The following PRDM2 variants were observed in gnomAD, a reference collection of about 807,000 sequenced individuals.
The protein encoded by PRDM2 is PR/SET domain 2, also known as PR domain zinc finger protein 2.
In PRDM2, 30 loss-of-function variants were observed where a neutral mutation model predicts 130.0. The observed-to-expected ratio is 0.23, with a 90% CI of 0.17 to 0.31. The LOEUF is 0.31. Ranked by LOEUF, PRDM2 falls within the 10% of genes least tolerant of loss-of-function variation. PRDM2 has a pLI of 1.00. For synonymous variants in PRDM2, 871 were observed against 782.4 expected, an observed-to-expected ratio of 1.11 and a Z score of -1.89; for missense variants, 2,011 against 2,108.4, an observed-to-expected ratio of 0.95 and a Z score of 0.90.
At chr1:13,798,105 C>T (rs1051448756) in intron 8 of PRDM2, among the ~76,000 whole-genome samples, 32 of 152,174 alleles carry the variant, frequency 2.1e-4, no homozygotes, top group South Asian at 2.1e-3. Context: ...ATTGGGGGTT[C>T]GCCAACACAG....
intron 7 of PRDM2, among the ~76,000 whole-genome samples, chr1:13,778,196 C>T (rs1267441605): frequency 6.6e-6 from 1 of 152,206 alleles, no homozygotes; most frequent in Non-Finnish European, 1.5e-5. Flanking sequence ...GGAATATTGC[C>T]TGGTACGTGG....
intron 2 of PRDM2, among the ~76,000 whole-genome samples, chr1:13,728,605 TACG>T (rs1409402248): frequency 6.6e-6 from 1 of 151,954 alleles, no homozygotes; most frequent in Non-Finnish European, 1.5e-5. Context: ...ATGTGAAGGA[TACG>T]ACAATAACAG....
chr1:13,788,258 T>G (rs1283251582), intron 8 of PRDM2, among the ~76,000 whole-genome samples: 1 of 152,198 alleles, frequency 6.6e-6, no homozygotes, highest in Non-Finnish European at 1.5e-5. Flanking sequence ...TCATTCCAGT[T>G]GGATTTCTAT....
intron 2 of PRDM2, among the ~76,000 whole-genome samples, chr1:13,718,769 T>C (rs1421818319): frequency 6.6e-6 from 1 of 152,088 alleles, no homozygotes; most frequent in Non-Finnish European, 1.5e-5. Context: ...TGCTCCCTTC[T>C]CTCCATTCTC....
intron 6 of PRDM2, chr1:13,770,322 C>T (rs1644329940): frequency 4.1e-6 from 2 of 491,618 alleles, no homozygotes; most frequent in Admixed American, 2.0e-5. Context: ...TAAAATAGCA[C>T]TTATGTTTTA....
At chr1:13,799,121 T>A (rs1252015309) in intron 8 of PRDM2, among the ~76,000 whole-genome samples, 3 of 152,162 alleles carry the variant, frequency 2.0e-5, no homozygotes, top group Non-Finnish European at 4.4e-5. Context: ...TCCGGCATGT[T>A]CACCATTGCC....
In PRDM2 at chr1:13,778,869, T is replaced by C. The variant is rs1289961614; in HGVS notation, c.1074T>C (p.Phe358=). Residue 358 remains phenylalanine (F), a synonymous_variant, in exon 8 of 10, where the codon TTT becomes TTC. Coordinates refer to ENST00000311066, the MANE Select transcript of PRDM2 (RefSeq NM_001393986.1). ...EEANGDVFET[F]MFPCQHCERK... is the part of the protein sequence containing the mutation. Reference sequence around the variant, plus strand: ...CCAATGGTGATGTATTTGAAACGTTTATGTTTCCGTGTCAACATTGTGAAA... The same window carrying C: ...CCAATGGTGATGTATTTGAAACGTTCATGTTTCCGTGTCAACATTGTGAAA... 2.5e-6 allele frequency: 4 copies of C among 1,614,232 alleles called. No individual in the cohort carries two copies. Among genetic ancestry groups the C allele is most frequent in the East Asian group, 4.5e-5 (2 of 44,888 alleles).
chr1:13,813,992 G>C lies in PRDM2; in HGVS notation c.5037-2435G>C, dbSNP rs139776995. Among the ~76,000 whole-genome samples the C allele has an allele frequency of 3.2e-3, 484 of 152,340 alleles. 1 individual carries two copies. Among genetic ancestry groups the C allele is most frequent in the Admixed American group, 5.7e-3 (87 of 15,308 alleles). On this transcript the variant is annotated intron_variant, in intron 8 of 9. Coordinates refer to ENST00000311066, the MANE Select transcript of PRDM2 (RefSeq NM_001393986.1). ...AGAAGCTGGATACTGATGATGCAGGGCTTGTCTGTCTCCAAAGCTTCTGCT... is the reference window on the plus strand; with the variant it reads ...AGAAGCTGGATACTGATGATGCAGGCCTTGTCTGTCTCCAAAGCTTCTGCT...
At chr1:13,767,017 C>T (rs952723788) in intron 6 of PRDM2, among the ~76,000 whole-genome samples, 5 of 152,164 alleles carry the variant, frequency 3.3e-5, no homozygotes, top group Non-Finnish European at 7.3e-5. Flanking sequence ...TTTCATGTGA[C>T]GCTTTAGGCA....
intron 2 of PRDM2, among the ~76,000 whole-genome samples, chr1:13,717,217 T>C (rs796711451): frequency 3.5e-4 from 54 of 152,330 alleles, no homozygotes; most frequent in African/African-American, 1.2e-3. Flanking sequence ...ATTTTTGAAA[T>C]GGTGAGATGG....
intron 2 of PRDM2, among the ~76,000 whole-genome samples, chr1:13,718,830 A>G (rs1285324878): frequency 6.6e-6 from 1 of 152,116 alleles, no homozygotes; most frequent in Non-Finnish European, 1.5e-5. Context: ...CCATCCTGAT[A>G]CTTAACTTTT....
rs755983332 is a variant in PRDM2 at position 13,782,294 on chromosome 1, C to T, written c.4499C>T (p.Ser1500Leu). 3.7e-6 allele frequency: 6 copies of T among 1,614,074 alleles called. No individual in the cohort carries two copies. In the African/African-American group the frequency reaches 8.0e-5, roughly 22 times the overall value. Residue 1500 changes from serine to leucine, a missense_variant, in exon 8 of 10, where the codon TCA becomes TTA. Physicochemically the swap from Ser to Leu is moderately radical, Grantham distance 145 (BLOSUM62 -2). Around this residue, in one of 5 missense-constraint regions of PRDM2, gnomAD observed 410 missense variants for 395.9 expected, o/e 1.04. Coordinates refer to ENST00000311066, the MANE Select transcript of PRDM2 (RefSeq NM_001393986.1). ...VSHSSKKGGH[S>L]SPASSDKNSN... Reference sequence around the variant, plus strand: ...CATTCATCTAAGAAAGGTGGACACTCATCACCTGCAAGTAGTGACAAAAAC... The same window carrying T: ...CATTCATCTAAGAAAGGTGGACACTTATCACCTGCAAGTAGTGACAAAAAC...
intron 1 of PRDM2, among the ~76,000 whole-genome samples, chr1:13,704,040 C>G (rs1224798257): frequency 1.3e-5 from 2 of 152,132 alleles, no homozygotes; most frequent in Non-Finnish European, 2.9e-5. Context: ...TATAAGTTGC[C>G]AAATCCTTAT....
rs948741862 is a variant in PRDM2, at chr1:13,771,155, C to G, written c.512-1923C>G. Among the ~76,000 whole-genome samples, 1 of 152,208 alleles carries G rather than the reference C, an allele frequency of 6.6e-6. No individual in the cohort carries two copies. The highest frequency in any genetic ancestry group is 2.4e-5 in the African/African-American group (1 of 41,450). On this transcript the variant is annotated intron_variant, in intron 6 of 9. Transcript: ENST00000311066. The surrounding 1 kb of genome is among the most constrained non-coding windows in gnomAD (Gnocchi z 4.1). ...AAGTTGACAAAGGGAGAAAGAGTCA[C>G]AAGAGGACGTTATGCCTGTGGAAAG...
intron 4 of PRDM2, among the ~76,000 whole-genome samples, chr1:13,735,950 A>G (rs1489641952): frequency 2.6e-5 from 4 of 152,010 alleles, no homozygotes; most frequent in Non-Finnish European, 4.4e-5. Context: ...CTGCTTCTCT[A>G]TTTTCAGCCT....
chr1:13,742,726 C>T (rs765237288), intron 5 of PRDM2, among the ~76,000 whole-genome samples: 1 of 152,184 alleles, frequency 6.6e-6, no homozygotes, highest in Admixed American at 6.5e-5. Flanking sequence ...AGCTGCTTCC[C>T]TTCTCCTATG....
chr1:13,749,250 G>T, intron 5 of PRDM2, 111 bp from the exon 6 acceptor site: 1 of 1,056,336 alleles, frequency 9.5e-7, no homozygotes, highest in Non-Finnish European at 1.2e-6. Context: ...CGGCGCCGCC[G>T]ACAGCTGTTT....
At chr1:13,772,493 C>T (rs1309970561) in intron 6 of PRDM2, among the ~76,000 whole-genome samples, 1 of 152,186 alleles carries the variant, frequency 6.6e-6, no homozygotes, top group Non-Finnish European at 1.5e-5. Flanking sequence ...TCCCTTAGGG[C>T]TCTCAGAGTG....
rs778368145 is a variant in PRDM2, at chr1:13,780,494, A to G, written c.2699A>G (p.Asp900Gly). ...KVLLNEYNGI[D>G]LPVENPADGT... ...CTTCTCAATGAATATAATGGCATCG[A>G]TTTACCTGTAGAAAACCCTGCAGAT... Residue 900 changes from aspartate (D) to glycine (G), a missense_variant, in exon 8 of 10, where the codon GAT becomes GGT. By Grantham distance (94) the Asp-to-Gly change is moderately conservative. Transcript: ENST00000311066. The G allele has an allele frequency of 6.2e-7, 1 of 1,614,156 alleles. No individual in the cohort carries two copies. Among genetic ancestry groups the G allele is most frequent in the East Asian group, 2.2e-5 (1 of 44,870 alleles).
Sources: allele counts gnomAD v4.1 joint callset (sites outside exome capture counted in the v4.1 genomes callset), GRCh38; gene constraint gnomAD v4.1.1; regional missense constraint gnomAD v4.1.1; non-coding constraint Gnocchi (gnomAD v3.1); transcripts MANE v1.5; gene names NCBI Gene and HGNC (gene_info 2026-07-23, HGNC 2026-07-21).